Variants in SMAP1 observed in about 807,000 individuals in gnomAD.
SMAP1 encodes small ArfGAP 1.
SMAP1 carries 24 observed loss-of-function variants against 58.5 expected under a neutral mutation model. That is an observed-to-expected ratio of 0.41 (90% confidence interval 0.30 to 0.58). SMAP1 has a LOEUF of 0.58. Among genes scored for constraint, SMAP1 ranks in the 20% least tolerant of loss-of-function variants. The pLI is 0.29. For missense variants in SMAP1, 563 were observed against 566.3 expected (o/e 0.99, Z 0.06); for synonymous variants, 216 against 196.6 (o/e 1.10, Z -0.82).
At chr6:70,683,182 T>C (rs1472119521) in intron 1 of SMAP1, among the ~76,000 whole-genome samples, 1 of 148,108 alleles carries the variant, frequency 6.8e-6, no homozygotes. Context: ...TTTTTTTTTT[T>C]TTTCTTGAGG....
At chr6:70,751,962 T>C (rs554195481) in intron 2 of SMAP1, among the ~76,000 whole-genome samples, 2 of 152,204 alleles carry the variant, frequency 1.3e-5, no homozygotes, top group South Asian at 2.1e-4. Context: ...AATAATTAAT[T>C]GCCAAAGAAT....
rs1345356012 is a variant in SMAP1 at position 70,798,824 on chromosome 6, T to C, written c.576+87T>C. 5 of 1,038,954 alleles carry C rather than the reference T, an allele frequency of 4.8e-6. No individual in the cohort carries two copies. The South Asian group carries it at 5.6e-5, about 12-fold the overall frequency. 64.4% of individuals were successfully genotyped at this position (1,038,954 alleles called of 1,614,324 possible). ...TTAATGACTTTCTGGATATTTATAA[T>C]ATGTAAATAATCATTATTTTCAACA... is the stretch of plus-strand genomic sequence containing the variant. On this transcript the variant is annotated intron_variant, in intron 6 of 10. Coordinates refer to ENST00000370455, the MANE Select transcript of SMAP1 (RefSeq NM_001044305.3).
At chr6:70,674,059 C>G (rs1265505482) in intron 1 of SMAP1, among the ~76,000 whole-genome samples, 1 of 151,972 alleles carries the variant, frequency 6.6e-6, no homozygotes, top group Non-Finnish European at 1.5e-5. Context: ...CTCTTTAAGG[C>G]AAAGTAGAAT....
At chr6:70,804,221 T>A (rs112730608) in intron 6 of SMAP1, among the ~76,000 whole-genome samples, 2 of 152,180 alleles carry the variant, frequency 1.3e-5, no homozygotes, top group Non-Finnish European at 1.5e-5. Context: ...ATTGAATTGA[T>A]CCCTTTACCG....
chr6:70,789,067 C>A (rs1490450034), intron 4 of SMAP1, among the ~76,000 whole-genome samples: 1 of 152,048 alleles, frequency 6.6e-6, no homozygotes, highest in African/African-American at 2.4e-5. Context: ...CCCTCATTTA[C>A]CCCTGTGTTC....
chr6:70,718,481 C>T (rs1373668045), intron 1 of SMAP1, among the ~76,000 whole-genome samples: 1 of 152,008 alleles, frequency 6.6e-6, no homozygotes, highest in East Asian at 1.9e-4. Context: ...AAAATGAATT[C>T]CATCTTGGAC....
At chr6:70,813,528 A>G (rs1472963137) in intron 6 of SMAP1, among the ~76,000 whole-genome samples, 1 of 152,146 alleles carries the variant, frequency 6.6e-6, no homozygotes, top group Non-Finnish European at 1.5e-5. Flanking sequence ...TTATGTTTTC[A>G]TAATTATTCA....
intron 6 of SMAP1, among the ~76,000 whole-genome samples, chr6:70,817,075 C>G (rs1447032474): frequency 2.0e-5 from 3 of 151,190 alleles, no homozygotes; most frequent in Non-Finnish European, 4.4e-5. Context: ...GGACCCCTTT[C>G]CCAGAAGCAG....
intron 4 of SMAP1, among the ~76,000 whole-genome samples, chr6:70,787,450 G>T (rs894373343): frequency 3.1e-4 from 47 of 152,068 alleles, no homozygotes; most frequent in African/African-American, 1.1e-3. Context: ...TTGACAAATG[G>T]GATCTAATTA....
intron 3 of SMAP1, among the ~76,000 whole-genome samples, chr6:70,758,033 G>T (rs1387604539): frequency 1.3e-5 from 2 of 152,058 alleles, no homozygotes; most frequent in African/African-American, 4.8e-5. Context: ...TATACCCAAA[G>T]GACTATAAAT....
intron 6 of SMAP1, among the ~76,000 whole-genome samples, chr6:70,806,003 C>T (rs1035493366): frequency 2.6e-5 from 4 of 152,192 alleles, no homozygotes; most frequent in Non-Finnish European, 2.9e-5. Flanking sequence ...ATTCTCAGAG[C>T]TCAAATGCAG....
chr6:70,696,096 G>C (rs1370300032), intron 1 of SMAP1, among the ~76,000 whole-genome samples: 1 of 151,954 alleles, frequency 6.6e-6, no homozygotes, highest in African/African-American at 2.4e-5. Context: ...ATGATGGTTT[G>C]AATTTCTGCA....
chr6:70,771,532 C>T (rs1035931375), intron 3 of SMAP1, among the ~76,000 whole-genome samples: 42 of 152,246 alleles, frequency 2.8e-4, no homozygotes, highest in Middle Eastern at 6.8e-3. Flanking sequence ...AGCAAGACTC[C>T]GGGGGCGTAG....
chr6:70,838,747 G>C (rs1417201821), intron 7 of SMAP1, among the ~76,000 whole-genome samples: 1 of 152,010 alleles, frequency 6.6e-6, no homozygotes, highest in Non-Finnish European at 1.5e-5. Flanking sequence ...GAGGGGGTAG[G>C]GAGGGGGCAA....
chr6:70,696,008 T>C (rs144891575), intron 1 of SMAP1, among the ~76,000 whole-genome samples: 3 of 152,296 alleles, frequency 2.0e-5, no homozygotes, highest in Non-Finnish European at 4.4e-5. Context: ...TTTTGGTAGA[T>C]TGTATGTGTC....
Position 70,732,237 on chromosome 6 carries a change from G to A in SMAP1, c.119-141G>A, listed in dbSNP as rs1018461104. ...ATGTCTTCTTAGCAGACTGCCGCCA[G>A]TACCATTTGAAAATTTGAGCATGTG... On this transcript the variant is annotated intron_variant, in intron 1 of 10. Transcript: ENST00000370455. The A allele has an allele frequency of 7.5e-6, 6 of 798,580 alleles. No individual in the cohort carries two copies. The African/African-American group carries it at 1.1e-4, about 14-fold the overall frequency. The allele number at this position is 798,580 out of a possible 1,614,324, so 49.5% of individuals were successfully genotyped here. A position where few individuals can be genotyped will look rare whatever the true frequency, so the allele number is the denominator to read the frequency against.
chr6:70,716,024 T>G (rs1768253396), intron 1 of SMAP1, among the ~76,000 whole-genome samples: 1 of 152,174 alleles, frequency 6.6e-6, no homozygotes. Context: ...CTTAGAAAAA[T>G]GGTCTCCAAT....
chr6:70,861,805 C>CACAT lies in SMAP1; in HGVS notation c.*1471_*1472insACAT, dbSNP rs1771745277. ...CACTCTTCATGGTGACACTCGAGGT[C>CACAT]GGGCAGCACAAGTGTAATGAATACC... On this transcript the variant is annotated 3_prime_UTR_variant, in exon 11 of 11. Coordinates refer to ENST00000370455, the MANE Select transcript of SMAP1 (RefSeq NM_001044305.3). The CACAT allele has an allele frequency of 1.2e-6, 2 of 1,613,820 alleles. No individual in the cohort carries two copies.
chr6:70,808,901 CCTGTGT>C (rs1769262755), intron 6 of SMAP1, among the ~76,000 whole-genome samples: 1 of 71,494 alleles, frequency 1.4e-5, no homozygotes, highest in Non-Finnish European at 2.6e-5. Flanking sequence ...AGGCTGTTTC[CCTGTGT>C]GTGTGTGTGT....
Sources: allele counts gnomAD v4.1 joint callset (sites outside exome capture counted in the v4.1 genomes callset), GRCh38; gene constraint gnomAD v4.1.1; transcripts MANE v1.5; gene names NCBI Gene and HGNC (gene_info 2026-07-23, HGNC 2026-07-21).